The following RAP1GAP2 variants were observed in gnomAD, a reference collection of about 807,000 sequenced individuals.
The protein encoded by RAP1GAP2 is rap1 GTPase-activating protein 2.
In RAP1GAP2, 27 loss-of-function variants were observed where a neutral mutation model predicts 95.0. The observed-to-expected ratio is 0.28, with a 90% CI of 0.21 to 0.39. The LOEUF (loss-of-function observed/expected upper bound fraction) is 0.39, where lower values mean the gene tolerates loss of function less well. Among genes scored for constraint, RAP1GAP2 ranks in the 10% least tolerant of loss-of-function variants. The probability of loss-of-function intolerance (pLI) is 1.00; values close to 1 mark genes in which losing one functional copy is unlikely to be tolerated. For synonymous variants in RAP1GAP2, 373 were observed against 380.9 expected (o/e 0.98, Z 0.24); for missense variants, 771 against 970.0 (o/e 0.79, Z 2.72).
chr17:2,758,653 G>C (rs984998045), intron 1 of RAP1GAP2, among the ~76,000 whole-genome samples: 1 of 152,180 alleles, frequency 6.6e-6, no homozygotes, highest in African/African-American at 2.4e-5. Context: ...GGCCAGCCAT[G>C]CTCCAGCTGT....
chr17:2,859,521 C>T (rs984075159), intron 2 of RAP1GAP2, among the ~76,000 whole-genome samples: 37 of 152,028 alleles, frequency 2.4e-4, no homozygotes, highest in African/African-American at 7.0e-4. Flanking sequence ...CTGCAACTTC[C>T]GCCTCCTGGG....
chr17:2,859,018 G>A (rs1047800976), intron 2 of RAP1GAP2, among the ~76,000 whole-genome samples: 2 of 151,618 alleles, frequency 1.3e-5, no homozygotes, highest in South Asian at 2.1e-4. Context: ...CAGTTGTCTC[G>A]TAAAAGTTTT....
Position 2,952,929 on chromosome 17 carries a change from C to G in RAP1GAP2, c.166-4830C>G, listed in dbSNP as rs372009666. 3.6e-4 allele frequency among the ~76,000 whole-genome samples: 55 copies of G among 152,046 alleles called. No individual in the cohort carries two copies. The East Asian group carries it at 7.7e-3, about 21-fold the overall frequency. On this transcript the variant is annotated intron_variant, in intron 3 of 24. Transcript: ENST00000254695. ...AAGTGATTCTCATGCCTCAGCCTTC[C>G]GAGTAGCTGGGATTACAGGTGTGCG...
At position 2,892,939 on chromosome 17, in the gene RAP1GAP2, T is replaced by C. The variant is rs1216888642; in HGVS notation, c.81-12345T>C. Among the ~76,000 whole-genome samples, 3 of 152,358 alleles carry C rather than the reference T, an allele frequency of 2.0e-5. No individual in the cohort carries two copies. In the East Asian group the frequency reaches 5.8e-4, roughly 29 times the overall value. On this transcript the variant is annotated intron_variant, in intron 2 of 24. Transcript: ENST00000254695. ...TATTTGATCTTTTTTCTCTTCCCTC[T>C]TTTGTTTTCTGTATCTTTATGTTTT...
intron 2 of RAP1GAP2, among the ~76,000 whole-genome samples, chr17:2,815,678 C>T (rs1018058650): frequency 7.2e-5 from 11 of 151,978 alleles, no homozygotes; most frequent in Admixed American, 5.3e-4. Flanking sequence ...GATGGGGTTT[C>T]ACCACGTTGA....
At chr17:2,791,590 C>G (rs1275854696), upstream of RAP1GAP2, among the ~76,000 whole-genome samples, 1 of 152,184 alleles carries the variant, frequency 6.6e-6, no homozygotes, top group East Asian at 1.9e-4. Flanking sequence ...CTTCACTTCC[C>G]TGAGCCTCAG....
At chr17:2,848,703 G>C (rs547186509) in intron 2 of RAP1GAP2, among the ~76,000 whole-genome samples, 15 of 152,016 alleles carry the variant, frequency 9.9e-5, no homozygotes, top group African/African-American at 3.6e-4. Flanking sequence ...TAGTAGAGAC[G>C]GGGTTTCACC....
chr17:2,774,988 A>AT (rs57384328), upstream of RAP1GAP2, among the ~76,000 whole-genome samples: 18,202 of 146,328 alleles, frequency 0.12, 1,479 homozygotes, highest in East Asian at 0.33. Flanking sequence ...GCCCTGCTAA[A>AT]TTTTTTTTTT....
chr17:2,896,738 T>C (rs1262568098), intron 2 of RAP1GAP2, among the ~76,000 whole-genome samples: 1 of 152,200 alleles, frequency 6.6e-6, no homozygotes, highest in Non-Finnish European at 1.5e-5. Context: ...TCCTCCCGCC[T>C]CCTGCCCTTT....
intron 2 of RAP1GAP2, chr17:2,853,921 C>G: frequency 1.0e-6 from 1 of 981,126 alleles, no homozygotes; most frequent in Non-Finnish European, 1.2e-6. Context: ...GGCTCAGGGG[C>G]CGGGTGCGGA....
At chr17:2,780,395 C>T (rs897090108) in intron 1 of RAP1GAP2, among the ~76,000 whole-genome samples, 2 of 152,240 alleles carry the variant, frequency 1.3e-5, no homozygotes, top group African/African-American at 2.4e-5. Flanking sequence ...CTGCCCCTCC[C>T]AGGCCACCGC....
intron 1 of RAP1GAP2, among the ~76,000 whole-genome samples, chr17:2,764,428 A>G (rs991266149): frequency 1.3e-5 from 2 of 149,292 alleles, no homozygotes; most frequent in African/African-American, 5.0e-5. Context: ...TGTCTCAAAA[A>G]ATAAAAATAG....
chr17:2,952,326 C>T (rs190311501), intron 3 of RAP1GAP2, among the ~76,000 whole-genome samples: 16 of 152,316 alleles, frequency 1.1e-4, no homozygotes, highest in African/African-American at 3.8e-4. Flanking sequence ...TATGAGTGTA[C>T]CCCTGTGCCT....
At chr17:2,962,123 A>T (rs1287377987) in intron 4 of RAP1GAP2, 1 of 156,284 alleles carries the variant, frequency 6.4e-6, no homozygotes, top group African/African-American at 2.4e-5. Context: ...GCTGGTCCTG[A>T]GCTCCTGACC....
chr17:2,873,474 C>CAAA lies in RAP1GAP2; in HGVS notation c.81-31775_81-31773dup, dbSNP rs71153308. 8.8e-4 allele frequency among the ~76,000 whole-genome samples: 10 copies of CAAA among 11,422 alleles called. 3 individuals carry two copies. The highest frequency in any genetic ancestry group is 1.3e-3 in the Non-Finnish European group (9 of 6,704). The allele number at this position is 11,422 out of a possible 152,430, so 7.5% of individuals were successfully genotyped here. ...AGGGTAATAGAATGAGACCCTGTCT[C>CAAA]AAAAAAAAAAAAAAAAAAAAAAAAA... On this transcript the variant is annotated intron_variant, in intron 2 of 24. Coordinates refer to ENST00000254695, the MANE Select transcript of RAP1GAP2 (RefSeq NM_015085.5).
upstream of RAP1GAP2, among the ~76,000 whole-genome samples, chr17:2,795,820 G>A (rs551432795): frequency 1.7e-3 from 266 of 152,262 alleles, no homozygotes; most frequent in Non-Finnish European, 2.6e-3. Flanking sequence ...GCACGGGAGC[G>A]TGTGTGCCGC....
chr17:3,030,120 TTA>T (rs1280780651), intron 22 of RAP1GAP2, among the ~76,000 whole-genome samples: 2 of 147,436 alleles, frequency 1.4e-5, no homozygotes, highest in Non-Finnish European at 3.0e-5. Flanking sequence ...TATGTATATA[TTA>T]TATATACATA....
intron 2 of RAP1GAP2, among the ~76,000 whole-genome samples, chr17:2,893,061 C>G (rs1279172975): frequency 1.3e-5 from 2 of 150,890 alleles, no homozygotes; most frequent in Non-Finnish European, 2.9e-5. Context: ...GAGTTTTGCT[C>G]TTGTTGCACA....
chr17:2,978,438 C>T (rs2151529162), intron 8 of RAP1GAP2, among the ~76,000 whole-genome samples: 1 of 151,998 alleles, frequency 6.6e-6, no homozygotes, highest in East Asian at 1.9e-4. Flanking sequence ...CGTGGGTATG[C>T]TGGACAAAGG....
Sources: allele counts gnomAD v4.1 joint callset (sites outside exome capture counted in the v4.1 genomes callset), GRCh38; gene constraint gnomAD v4.1.1; transcripts MANE v1.5; gene names NCBI Gene and HGNC (gene_info 2026-07-23, HGNC 2026-07-21).